Variants in CAMK2D observed in about 807,000 individuals in gnomAD.
CAMK2D encodes calcium/calmodulin dependent protein kinase II delta, also known as calcium/calmodulin-dependent protein kinase type II subunit delta.
In CAMK2D, 37 loss-of-function variants were observed where a neutral mutation model predicts 84.0. The observed-to-expected ratio is 0.44, with a 90% CI of 0.34 to 0.58. The LOEUF (loss-of-function observed/expected upper bound fraction) is 0.58, where lower values mean the gene tolerates loss of function less well. CAMK2D is among the 20% of genes least tolerant of loss of function. CAMK2D has a pLI of 0.02. For missense variants in CAMK2D, 448 were observed against 652.5 expected, an observed-to-expected ratio of 0.69 and a Z score of 3.41; for synonymous variants, 202 against 212.5, an observed-to-expected ratio of 0.95 and a Z score of 0.43.
intron 2 of CAMK2D, among the ~76,000 whole-genome samples, chr4:113,709,474 T>C (rs937920506): frequency 5.3e-5 from 8 of 151,742 alleles, no homozygotes; most frequent in Admixed American, 2.6e-4. Flanking sequence ...AAAGGGAAGA[T>C]TGTTTTTAAC....
chr4:113,609,268 C>T, intron 3 of CAMK2D, 62 bp from the exon 4 acceptor site: 1 of 857,994 alleles, frequency 1.2e-6, no homozygotes, highest in Non-Finnish European at 2.0e-6. Flanking sequence ...ACGTTAAACC[C>T]CACTTCACAT....
At chr4:113,616,645 A>T (rs896147261) in intron 3 of CAMK2D, among the ~76,000 whole-genome samples, 1 of 152,210 alleles carries the variant, frequency 6.6e-6, no homozygotes, top group African/African-American at 2.4e-5. Context: ...ATCACATGAC[A>T]CTACAAACAG....
chr4:113,543,843 A>G lies in CAMK2D; in HGVS notation c.414+3801T>C, dbSNP rs975493322. Among the ~76,000 whole-genome samples, 90 of 151,640 alleles carry G rather than the reference A, an allele frequency of 5.9e-4. 2 individuals carry two copies. The highest frequency in any genetic ancestry group is 3.4e-3 in the Middle Eastern group (1 of 292). On this transcript the variant is annotated intron_variant, in intron 6 of 20. Coordinates refer to ENST00000511664, the MANE Select transcript of CAMK2D (RefSeq NM_001321571.2). ...GTCTCGCTCTGTTGCCCAGGCTGGA[A>G]TGCAGTGGGGCGATCTCTGCTCACT...
At chr4:113,548,805 G>C (rs2098602532) in intron 5 of CAMK2D, 1 of 708,440 alleles carries the variant, frequency 1.4e-6, no homozygotes, top group South Asian at 1.7e-5. Flanking sequence ...GAAATAAAAT[G>C]AAAGTCCCAA....
chr4:113,525,122 A>C (rs1174511715), intron 8 of CAMK2D, among the ~76,000 whole-genome samples: 6 of 152,194 alleles, frequency 3.9e-5, no homozygotes, highest in Non-Finnish European at 8.8e-5. Context: ...GCTGAACCTA[A>C]ATTCACCACA....
At chr4:113,668,545 A>G (rs536634872) in intron 2 of CAMK2D, among the ~76,000 whole-genome samples, 9 of 152,336 alleles carry the variant, frequency 5.9e-5, no homozygotes, top group Non-Finnish European at 1.3e-4. Context: ...TAAATTCCTA[A>G]AAGCTACATT....
intron 3 of CAMK2D, among the ~76,000 whole-genome samples, chr4:113,649,945 G>A (rs944416646): frequency 6.6e-6 from 1 of 152,072 alleles, no homozygotes; most frequent in Non-Finnish European, 1.5e-5. Flanking sequence ...AGCTGTGTGT[G>A]GTGGCACGTG....
intron 16 of CAMK2D, among the ~76,000 whole-genome samples, chr4:113,486,936 T>C (rs553120969): frequency 6.6e-6 from 1 of 152,246 alleles, no homozygotes; most frequent in Admixed American, 6.5e-5. Context: ...TCTTGTAGAA[T>C]CATCTTTCTT....
At chr4:113,567,400 T>G (rs918555124) in intron 4 of CAMK2D, among the ~76,000 whole-genome samples, 3 of 152,080 alleles carry the variant, frequency 2.0e-5, no homozygotes, top group African/African-American at 7.2e-5. Context: ...TCTCCTGACC[T>G]CAGCTGATCT....
chr4:113,754,677 T>A (rs1022143807), intron 2 of CAMK2D: 2 of 969,176 alleles, frequency 2.1e-6, no homozygotes, highest in Non-Finnish European at 2.4e-6. Flanking sequence ...GAAGTGTGGA[T>A]ATACTTTTTT....
Position 113,693,348 on chromosome 4 carries a change from A to C in CAMK2D, c.161-31576T>G, listed in dbSNP as rs571246172. Among the ~76,000 whole-genome samples, 33 of 152,240 alleles carry C rather than the reference A, an allele frequency of 2.2e-4. 1 individual carries two copies. In the South Asian group the frequency reaches 5.4e-3, roughly 25 times the overall value. On this transcript the variant is annotated intron_variant, in intron 2 of 20. Coordinates refer to ENST00000511664, the MANE Select transcript of CAMK2D (RefSeq NM_001321571.2). ...CTTAGCTAGTTCTGCTAAATTCCAA[A>C]ATGCTAACAGATTTTTTTTTTAGAC...
At chr4:113,526,104 G>A (rs1220761173) in intron 8 of CAMK2D, among the ~76,000 whole-genome samples, 2 of 152,122 alleles carry the variant, frequency 1.3e-5, no homozygotes, top group African/African-American at 4.8e-5. Context: ...TGTAACAAAA[G>A]AATACATTAT....
At chr4:113,639,450 T>C (rs969810477) in intron 3 of CAMK2D, among the ~76,000 whole-genome samples, 1 of 151,848 alleles carries the variant, frequency 6.6e-6, no homozygotes, top group African/African-American at 2.4e-5. Context: ...AAATAAGTAA[T>C]GTGGTACCAG....
At chr4:113,580,485 T>G (rs1473027382) in intron 4 of CAMK2D, among the ~76,000 whole-genome samples, 2 of 152,222 alleles carry the variant, frequency 1.3e-5, no homozygotes, top group African/African-American at 2.4e-5. Flanking sequence ...TAACTGTCTC[T>G]CTAGTTAGAA....
At chr4:113,526,811 A>C (rs568496639) in intron 8 of CAMK2D, among the ~76,000 whole-genome samples, 1 of 152,234 alleles carries the variant, frequency 6.6e-6, no homozygotes, top group South Asian at 2.1e-4. Flanking sequence ...GTTATTAAAA[A>C]TGCAGTTGCC....
chr4:113,629,154 CTG>C (rs1385163177), intron 3 of CAMK2D, among the ~76,000 whole-genome samples: 1 of 151,940 alleles, frequency 6.6e-6, no homozygotes, highest in Non-Finnish European at 1.5e-5. Flanking sequence ...GAGGAAGAAA[CTG>C]TGCTAAGTAT....
chr4:113,518,415 T>TA (rs1288608896), intron 8 of CAMK2D, among the ~76,000 whole-genome samples: 1 of 152,292 alleles, frequency 6.6e-6, no homozygotes, highest in East Asian at 1.9e-4. Context: ...CTTTTAAAAT[T>TA]AAAAAAATTC....
chr4:113,709,752 T>TATATATATATATAG (rs2099484098), intron 2 of CAMK2D, among the ~76,000 whole-genome samples: 1 of 93,178 alleles, frequency 1.1e-5, no homozygotes, highest in African/African-American at 4.8e-5. Context: ...GAACGATATA[T>TATATATATATATAG]ATATATATAT....
chr4:113,711,478 G>A (rs1364070231), intron 2 of CAMK2D, among the ~76,000 whole-genome samples: 1 of 152,064 alleles, frequency 6.6e-6, no homozygotes, highest in East Asian at 1.9e-4. Context: ...TTTTACTAAG[G>A]AGATTGTGCC....
Sources: gnomAD v4.1 joint callset for allele counts (sites outside exome capture counted in the v4.1 genomes callset) on GRCh38, gnomAD v4.1.1 for gene constraint, MANE v1.5 for transcripts, NCBI Gene and HGNC (gene_info 2026-07-23, HGNC 2026-07-21) for gene names.